Variants in SLC25A48 observed in about 807,000 individuals in gnomAD.
SLC25A48 encodes the protein solute carrier family 25 member 48.
A neutral mutation model predicts 32.2 loss-of-function variants in SLC25A48; 29 were observed. That is an observed-to-expected ratio of 0.90 (90% CI 0.67 to 1.23). The LOEUF is 1.23. Among genes scored for constraint, SLC25A48 ranks in the 50% most tolerant of loss-of-function variants. SLC25A48 has a pLI of 0.00. For synonymous variants in SLC25A48, 164 were observed against 172.3 expected, an observed-to-expected ratio of 0.95 and a Z score of 0.38; for missense variants, 399 against 422.7, an observed-to-expected ratio of 0.94 and a Z score of 0.49.
At chr5:135,787,203 T>C (rs1756869460) in intron 3 of SLC25A48, among the ~76,000 whole-genome samples, 1 of 152,098 alleles carries the variant, frequency 6.6e-6, no homozygotes, top group South Asian at 2.1e-4. Flanking sequence ...ACAGTGGGTG[T>C]ACAACAAATG....
chr5:135,851,874 C>T (rs1433414377), intron 3 of SLC25A48, among the ~76,000 whole-genome samples: 4 of 152,098 alleles, frequency 2.6e-5, no homozygotes, highest in Non-Finnish European at 5.9e-5. Context: ...CCCTCCTCAG[C>T]CTCCTGCAGC....
intron 3 of SLC25A48, among the ~76,000 whole-genome samples, chr5:135,851,420 G>A (rs903922886): frequency 2.0e-5 from 3 of 152,228 alleles, no homozygotes; most frequent in Non-Finnish European, 2.9e-5. Context: ...ACATGTTCCC[G>A]ACAGTGTCTG....
chr5:135,752,852 G>T (rs1250519591), intron 3 of SLC25A48, among the ~76,000 whole-genome samples: 1 of 151,666 alleles, frequency 6.6e-6, no homozygotes, highest in African/African-American at 2.4e-5. Flanking sequence ...AATATTACAT[G>T]GTCTACACAC....
At chr5:135,626,879 T>C (rs1752451945) in intron 1 of SLC25A48, among the ~76,000 whole-genome samples, 1 of 152,144 alleles carries the variant, frequency 6.6e-6, no homozygotes, top group African/African-American at 2.4e-5. Flanking sequence ...AGGCCAGACC[T>C]TCCGATGCTC....
At chr5:135,848,415 A>C (rs1480197613) in intron 2 of SLC25A48, among the ~76,000 whole-genome samples, 1 of 152,156 alleles carries the variant, frequency 6.6e-6, no homozygotes, top group Non-Finnish European at 1.5e-5. Flanking sequence ...GGTTGTGGAC[A>C]TCCCACTCCG....
At chr5:135,632,903 C>T (rs185274560) in intron 2 of SLC25A48, among the ~76,000 whole-genome samples, 4 of 152,190 alleles carry the variant, frequency 2.6e-5, no homozygotes, top group South Asian at 4.2e-4. Context: ...GCTTCAATAG[C>T]GTCTATTTTG....
chr5:135,635,982 A>G (rs1752694530), intron 3 of SLC25A48, among the ~76,000 whole-genome samples: 1 of 152,208 alleles, frequency 6.6e-6, no homozygotes, highest in African/African-American at 2.4e-5. Context: ...ATTCTTTCCT[A>G]TTAATGAGTA....
intron 3 of SLC25A48, among the ~76,000 whole-genome samples, chr5:135,720,903 T>C (rs1045649133): frequency 3.3e-5 from 5 of 152,070 alleles, no homozygotes; most frequent in Non-Finnish European, 7.4e-5. Flanking sequence ...TGGCCCTCCC[T>C]CTGACACTGG....
intron 3 of SLC25A48, among the ~76,000 whole-genome samples, chr5:135,747,911 C>T (rs1755677333): frequency 1.3e-5 from 2 of 152,208 alleles, no homozygotes; most frequent in South Asian, 2.1e-4. Flanking sequence ...TTCCTAAGGT[C>T]ACACGACTGG....
chr5:135,738,011 T>C (rs1264224208), intron 3 of SLC25A48, among the ~76,000 whole-genome samples: 1 of 152,160 alleles, frequency 6.6e-6, no homozygotes, highest in Non-Finnish European at 1.5e-5. Context: ...TACTTGGGAC[T>C]GATGTGTCAA....
At chr5:135,767,187 A>AGC (rs375141112) in intron 3 of SLC25A48, among the ~76,000 whole-genome samples, 1 of 144,782 alleles carries the variant, frequency 6.9e-6, no homozygotes, top group Admixed American at 7.0e-5. Flanking sequence ...GGACAGGTAC[A>AGC]CCCCCCCCCC....
chr5:135,668,716 CAG>C (rs1561782939), intron 3 of SLC25A48, among the ~76,000 whole-genome samples: 1 of 152,146 alleles, frequency 6.6e-6, no homozygotes, highest in East Asian at 1.9e-4. Flanking sequence ...AAGCAGCAAA[CAG>C]GGGATGAAGA....
chr5:135,809,746 T>C (rs1757551684), intron 3 of SLC25A48, among the ~76,000 whole-genome samples: 1 of 152,234 alleles, frequency 6.6e-6, no homozygotes, highest in South Asian at 2.1e-4. Flanking sequence ...ATATCATCTT[T>C]TGAGCCTAGC....
chr5:135,664,593 C>A (rs1053906704), intron 3 of SLC25A48, among the ~76,000 whole-genome samples: 1 of 152,134 alleles, frequency 6.6e-6, no homozygotes, highest in Non-Finnish European at 1.5e-5. Context: ...CCCAACTTCC[C>A]CCTAAGTCTC....
intron 3 of SLC25A48, among the ~76,000 whole-genome samples, chr5:135,783,627 T>C (rs996586575): frequency 1.7e-5 from 2 of 117,516 alleles, no homozygotes; most frequent in African/African-American, 5.2e-5. Flanking sequence ...ATCAAATGGG[T>C]TGTACTTCCC....
intron 3 of SLC25A48, among the ~76,000 whole-genome samples, chr5:135,803,794 TAAG>T (rs906914217): frequency 2.0e-5 from 3 of 151,632 alleles, no homozygotes; most frequent in Non-Finnish European, 3.0e-5. Context: ...TGTAATATTC[TAAG>T]GAGATATTAC....
chr5:135,687,580 G>T (rs1044122592), intron 3 of SLC25A48, among the ~76,000 whole-genome samples: 5 of 151,934 alleles, frequency 3.3e-5, no homozygotes, highest in Admixed American at 2.0e-4. Flanking sequence ...TAATGTTGCT[G>T]TTTTAATAAA....
intron 3 of SLC25A48, among the ~76,000 whole-genome samples, chr5:135,720,290 CG>C (rs942831930): frequency 3.3e-5 from 5 of 151,982 alleles, no homozygotes; most frequent in African/African-American, 1.2e-4. Context: ...TGCCAGGGCC[CG>C]GAAGGGTGCT....
At chr5:135,636,815 T>C (rs963627802) in intron 3 of SLC25A48, among the ~76,000 whole-genome samples, 7 of 152,242 alleles carry the variant, frequency 4.6e-5, no homozygotes, top group African/African-American at 1.7e-4. Flanking sequence ...TAACATTATA[T>C]TCACACACCA....
Sources: allele counts gnomAD v4.1 joint callset (sites outside exome capture counted in the v4.1 genomes callset), GRCh38; gene constraint gnomAD v4.1.1; transcripts MANE v1.5; gene names NCBI Gene and HGNC (gene_info 2026-07-23, HGNC 2026-07-21).